GAB1: variants seen among roughly 807,000 people sequenced by gnomAD.
GAB1 encodes the protein GRB2 associated binding protein 1, also known as GRB2-associated-binding protein 1.
Under a neutral mutation model 66.5 loss-of-function variants are expected in GAB1, and 19 were observed. That is an observed-to-expected ratio of 0.29 (90% CI 0.20 to 0.42). GAB1 has a LOEUF of 0.42. GAB1 is among the 10% of genes least tolerant of loss of function. The pLI is 1.00. For missense variants in GAB1, 732 were observed against 858.5 expected (o/e 0.85, Z 1.84); for synonymous variants, 294 against 301.4 (o/e 0.98, Z 0.25).
At chr4:143,423,896 CTG>C (rs1271009198) in intron 2 of GAB1, among the ~76,000 whole-genome samples, 25 of 142,208 alleles carry the variant, frequency 1.8e-4, no homozygotes, top group Middle Eastern at 4.2e-3. Flanking sequence ...CTTTGAATCT[CTG>C]TCCTCTTTTC....
intron 6 of GAB1, among the ~76,000 whole-genome samples, chr4:143,445,965 C>G (rs148317534): frequency 6.6e-6 from 1 of 152,018 alleles, no homozygotes; most frequent in African/African-American, 2.4e-5. Context: ...CACAACAGTC[C>G]CCAGAGTGTG....
At chr4:143,374,165 A>G (rs1011933384) in intron 1 of GAB1, among the ~76,000 whole-genome samples, 16 of 151,916 alleles carry the variant, frequency 1.1e-4, no homozygotes, top group Non-Finnish European at 2.2e-4. Flanking sequence ...TCTTGACTCC[A>G]CTCAAATGCC....
intron 8 of GAB1, among the ~76,000 whole-genome samples, chr4:143,460,885 C>CTA (rs1299441149): frequency 6.6e-6 from 1 of 152,108 alleles, no homozygotes; most frequent in Non-Finnish European, 1.5e-5. Flanking sequence ...TTTTTATACT[C>CTA]TTCAAGAAAA....
At chr4:143,395,761 G>C in intron 1 of GAB1, 1 of 368,746 alleles carries the variant, frequency 2.7e-6, no homozygotes, top group Non-Finnish European at 5.4e-6. Context: ...TCTGTTATTA[G>C]CCATTATGCT....
intron 1 of GAB1, among the ~76,000 whole-genome samples, chr4:143,338,018 G>T (rs1435088114): frequency 6.6e-6 from 1 of 152,184 alleles, no homozygotes; most frequent in African/African-American, 2.4e-5. Flanking sequence ...AAGCCAGAAG[G>T]GATTTCAGTT....
chr4:143,343,657 A>C (rs1728896649), intron 1 of GAB1: 1 of 154,854 alleles, frequency 6.5e-6, no homozygotes, highest in Non-Finnish European at 1.5e-5. Context: ...TTGCCAAATG[A>C]AAGTTTAGAG....
chr4:143,395,941 C>T (rs1459700872), intron 1 of GAB1: 2 of 455,818 alleles, frequency 4.4e-6, no homozygotes, highest in Non-Finnish European at 8.8e-6. Context: ...ATTTGTGTGC[C>T]AGTCTTGTCA....
At position 143,341,779 on chromosome 4, in the gene GAB1, G is replaced by A. The variant is rs953521766; in HGVS notation, c.72+4519G>A. On this transcript the variant is annotated intron_variant, in intron 1 of 9. Coordinates refer to ENST00000262994, the MANE Select transcript of GAB1 (RefSeq NM_002039.4). ...CCTGACATCTGACATGGAGGAGAGG[G>A]GCGTGGGCAGGCCAAGTGTCAGCAT... is the stretch of plus-strand genomic sequence containing the variant. Among the ~76,000 whole-genome samples, 11 of 152,264 alleles carry A rather than the reference G, an allele frequency of 7.2e-5. No homozygotes were observed. In the East Asian group the frequency reaches 2.1e-3, roughly 29 times the overall value.
chr4:143,402,020 T>G (rs1230808829), intron 1 of GAB1, among the ~76,000 whole-genome samples: 2 of 152,092 alleles, frequency 1.3e-5, no homozygotes, highest in African/African-American at 4.8e-5. Flanking sequence ...CATTTAAAAT[T>G]TATGATATAC....
intron 1 of GAB1, among the ~76,000 whole-genome samples, chr4:143,387,664 T>C (rs1257686285): frequency 3.9e-5 from 6 of 152,160 alleles, no homozygotes; most frequent in Admixed American, 2.6e-4. Flanking sequence ...GACTCTTTCC[T>C]CCCATTGACT....
At chr4:143,434,321 A>G (rs934421583) in intron 3 of GAB1, among the ~76,000 whole-genome samples, 1 of 151,886 alleles carries the variant, frequency 6.6e-6, no homozygotes, top group Admixed American at 6.6e-5. Flanking sequence ...TTTAGTCTTC[A>G]TATCTAGCAA....
chr4:143,408,109 G>C (rs959960928), intron 1 of GAB1, among the ~76,000 whole-genome samples: 4 of 152,026 alleles, frequency 2.6e-5, no homozygotes, highest in African/African-American at 9.7e-5. Flanking sequence ...CTCTTTATCT[G>C]TCTAGGCTGT....
At chr4:143,386,646 C>T (rs1730931468) in intron 1 of GAB1, among the ~76,000 whole-genome samples, 1 of 152,300 alleles carries the variant, frequency 6.6e-6, no homozygotes, top group Non-Finnish European at 1.5e-5. Flanking sequence ...CCTCACCTTC[C>T]CAAAATGCTA....
intron 1 of GAB1, among the ~76,000 whole-genome samples, chr4:143,384,669 T>G (rs1022016826): frequency 6.6e-6 from 1 of 152,218 alleles, no homozygotes; most frequent in Non-Finnish European, 1.5e-5. Context: ...AGCTCTTCCC[T>G]TCTGCTGGTG....
chr4:143,451,107 A>G (rs945130926), intron 6 of GAB1, among the ~76,000 whole-genome samples: 1 of 152,202 alleles, frequency 6.6e-6, no homozygotes, highest in Non-Finnish European at 1.5e-5. Context: ...GTGGAGAAGT[A>G]AACACATTAT....
intron 2 of GAB1, among the ~76,000 whole-genome samples, chr4:143,422,349 A>T (rs1036187750): frequency 1.3e-5 from 2 of 152,202 alleles, no homozygotes; most frequent in African/African-American, 4.8e-5. Flanking sequence ...AAATTATTCT[A>T]TCAGTAGATA....
chr4:143,397,148 G>A (rs1731492657), intron 1 of GAB1, among the ~76,000 whole-genome samples: 1 of 152,128 alleles, frequency 6.6e-6, no homozygotes, highest in Non-Finnish European at 1.5e-5. Context: ...GAGCTTGGTG[G>A]ACCAGTAGTG....
intron 1 of GAB1, among the ~76,000 whole-genome samples, chr4:143,380,913 GT>G (rs1227505116): frequency 6.6e-6 from 1 of 152,312 alleles, no homozygotes; most frequent in Non-Finnish European, 1.5e-5. Context: ...TGGGTTGAGA[GT>G]TTTTTTGCTG....
intron 2 of GAB1, among the ~76,000 whole-genome samples, 175 bp downstream of exon 2, chr4:143,415,946 T>C (rs900651034): frequency 2.0e-5 from 3 of 152,330 alleles, no homozygotes; most frequent in South Asian, 2.1e-4. Context: ...AGAAGCTGTT[T>C]ACCAGTTTTA....
Sources: gnomAD v4.1 joint callset for allele counts (sites outside exome capture counted in the v4.1 genomes callset) on GRCh38, gnomAD v4.1.1 for gene constraint, MANE v1.5 for transcripts, NCBI Gene and HGNC (gene_info 2026-07-23, HGNC 2026-07-21) for gene names.